Variants in DPP6 observed in about 807,000 individuals in gnomAD.
DPP6 encodes A-type potassium channel modulatory protein DPP6.
A neutral mutation model predicts 122.6 loss-of-function variants in DPP6; 69 were observed. The ratio of observed to expected loss-of-function variants is 0.56; its 90% confidence interval spans 0.46 to 0.69. The LOEUF (loss-of-function observed/expected upper bound fraction) is 0.69. Ranked by LOEUF, DPP6 falls within the 30% of genes least tolerant of loss-of-function variation. DPP6 has a pLI of 0.00. For synonymous variants in DPP6, 418 were observed against 433.1 expected, an observed-to-expected ratio of 0.97 and a Z score of 0.43; for missense variants, 928 against 1,116.9, an observed-to-expected ratio of 0.83 and a Z score of 2.41.
At chr7:154,633,617 C>A (rs1282021739) in intron 5 of DPP6, among the ~76,000 whole-genome samples, 1 of 152,184 alleles carries the variant, frequency 6.6e-6, no homozygotes, top group African/African-American at 2.4e-5. Flanking sequence ...CTCTAAGGAA[C>A]AAATTCTTTC....
chr7:154,174,636 C>CA (rs1797703037), intron 1 of DPP6, among the ~76,000 whole-genome samples: 1 of 152,180 alleles, frequency 6.6e-6, no homozygotes, highest in Non-Finnish European at 1.5e-5. Flanking sequence ...TTTTTATCAC[C>CA]ATTTCTTCAT....
intron 6 of DPP6, among the ~76,000 whole-genome samples, chr7:154,654,457 T>A (rs7797271): frequency 7.1e-6 from 1 of 141,346 alleles, no homozygotes; most frequent in African/African-American, 2.6e-5. Context: ...CTCGCCCTAT[T>A]GCCCAGGCTG....
chr7:154,115,121 G>A (rs1585407295), intron 1 of DPP6, among the ~76,000 whole-genome samples: 2 of 152,332 alleles, frequency 1.3e-5, no homozygotes, highest in Admixed American at 6.5e-5. Context: ...GGCCCACTGA[G>A]GGCAGGTTCC....
At chr7:154,145,055 C>T (rs1379603835) in intron 1 of DPP6, among the ~76,000 whole-genome samples, 1 of 152,162 alleles carries the variant, frequency 6.6e-6, no homozygotes, top group Non-Finnish European at 1.5e-5. Flanking sequence ...TTGGCCCTGG[C>T]GCCTACACAC....
At chr7:153,939,136 A>G (rs988607287) in intron 1 of DPP6, among the ~76,000 whole-genome samples, 4 of 152,188 alleles carry the variant, frequency 2.6e-5, no homozygotes, top group African/African-American at 4.8e-5. Flanking sequence ...TCATTTTTCA[A>G]TGCCTCGAAG....
chr7:153,772,421 T>A, the DPP6 span, among the ~76,000 whole-genome samples: 1 of 152,066 alleles, frequency 6.6e-6, no homozygotes, highest in African/African-American at 2.4e-5. Flanking sequence ...TGTTGATTAA[T>A]TAATAATGCA....
chr7:154,292,210 T>G lies in DPP6; in HGVS notation c.244-154004T>G, dbSNP rs151309002. On this transcript the variant is annotated intron_variant, in intron 1 of 25. Transcript: ENST00000377770. Reference sequence around the variant, plus strand: ...TATGAATGGCACCACCGACAAAGGATAAAAACCTAACTGCGATTAGGCAAG... The same window carrying G: ...TATGAATGGCACCACCGACAAAGGAGAAAAACCTAACTGCGATTAGGCAAG... 2.7e-4 allele frequency among the ~76,000 whole-genome samples: 41 copies of G among 152,186 alleles called. No homozygotes were observed. The East Asian group carries it at 6.2e-3, about 23-fold the overall frequency.
chr7:153,924,099 G>A (rs539870741), intron 1 of DPP6, among the ~76,000 whole-genome samples: 15 of 151,714 alleles, frequency 9.9e-5, no homozygotes, highest in Non-Finnish European at 1.9e-4. Flanking sequence ...TAAAATAACA[G>A]TAATGTGTAT....
At chr7:154,246,354 C>G (rs1035869026) in intron 1 of DPP6, among the ~76,000 whole-genome samples, 2 of 151,716 alleles carry the variant, frequency 1.3e-5, no homozygotes, top group African/African-American at 4.8e-5. Context: ...TACAAAACCT[C>G]TAGAAAGTAG....
At chr7:154,577,046 A>G (rs1831727172) in intron 5 of DPP6, among the ~76,000 whole-genome samples, 1 of 152,084 alleles carries the variant, frequency 6.6e-6, no homozygotes, top group South Asian at 2.1e-4. Context: ...TCCTGTGATG[A>G]TGGGATTCAT....
chr7:154,307,520 C>A (rs1052869722), intron 1 of DPP6, among the ~76,000 whole-genome samples: 1 of 150,024 alleles, frequency 6.7e-6, no homozygotes, highest in Admixed American at 6.7e-5. Flanking sequence ...AAGAGGGGAA[C>A]AGCAGAGATA....
chr7:154,349,626 G>A (rs1810684364), intron 1 of DPP6, among the ~76,000 whole-genome samples: 1 of 152,176 alleles, frequency 6.6e-6, no homozygotes, highest in African/African-American at 2.4e-5. Context: ...TTTATAGGTT[G>A]TCTCCTGGAG....
chr7:154,771,858 G>A (rs1281560456), intron 9 of DPP6, among the ~76,000 whole-genome samples: 1 of 152,212 alleles, frequency 6.6e-6, no homozygotes, highest in Non-Finnish European at 1.5e-5. Context: ...TAATTAAATA[G>A]AGAAAAGTGT....
chr7:153,900,210 G>A (rs184843256), intron 1 of DPP6, among the ~76,000 whole-genome samples: 54 of 150,100 alleles, frequency 3.6e-4, no homozygotes, highest in African/African-American at 1.2e-3. Flanking sequence ...TTAAAATTTC[G>A]TGGCTCAGTA....
chr7:154,175,743 G>A (rs1797767948), intron 1 of DPP6, among the ~76,000 whole-genome samples: 2 of 147,548 alleles, frequency 1.4e-5, no homozygotes, highest in African/African-American at 2.5e-5. Flanking sequence ...TTTTTGAGGC[G>A]GAGTCTCGGT....
intron 1 of DPP6, among the ~76,000 whole-genome samples, chr7:153,920,175 A>G (rs1289264284): frequency 6.7e-6 from 1 of 149,720 alleles, no homozygotes; most frequent in Non-Finnish European, 1.5e-5. Context: ...GCTGTTGTAG[A>G]TTGCTGATAA....
At chr7:154,766,313 C>CTTTTA (rs368776201) in intron 8 of DPP6, among the ~76,000 whole-genome samples, 4 of 151,824 alleles carry the variant, frequency 2.6e-5, no homozygotes, top group South Asian at 2.1e-4. Flanking sequence ...AAGTTCCCTT[C>CTTTTA]TTTTATTTTA....
chr7:154,490,539 T>C (rs1014692699), intron 3 of DPP6, among the ~76,000 whole-genome samples: 37 of 152,332 alleles, frequency 2.4e-4, no homozygotes, highest in Non-Finnish European at 5.4e-4. Flanking sequence ...CCACCAGATG[T>C]TATTTACTTA....
At chr7:153,802,164 A>G in the DPP6 span, among the ~76,000 whole-genome samples, 3 of 152,182 alleles carry the variant, frequency 2.0e-5, no homozygotes, top group South Asian at 6.2e-4. Flanking sequence ...GGAGTGGGGC[A>G]CACCTAAATC....
Sources: gnomAD v4.1 joint callset for allele counts (sites outside exome capture counted in the v4.1 genomes callset) on GRCh38, gnomAD v4.1.1 for gene constraint, MANE v1.5 for transcripts, NCBI Gene and HGNC (gene_info 2026-07-23, HGNC 2026-07-21) for gene names.